Variants in TRPM3 observed in about 807,000 individuals in gnomAD.
TRPM3 encodes the protein transient receptor potential cation channel subfamily M member 3.
A neutral mutation model predicts 181.2 loss-of-function variants in TRPM3; 77 were observed. The observed-to-expected ratio is 0.42, with a 90% confidence interval of 0.35 to 0.51. The LOEUF is 0.51. Among genes scored for constraint, TRPM3 ranks in the 20% least tolerant of loss-of-function variants. TRPM3 has a pLI of 0.01. For missense variants in TRPM3, 1,759 were observed against 2,196.7 expected, an observed-to-expected ratio of 0.80 and a Z score of 3.98; for synonymous variants, 745 against 796.4, an observed-to-expected ratio of 0.94 and a Z score of 1.09.
chr9:70,786,753 C>T (rs899977562), intron 6 of TRPM3, among the ~76,000 whole-genome samples: 3 of 152,130 alleles, frequency 2.0e-5, no homozygotes, highest in Non-Finnish European at 4.4e-5. Context: ...GCATATGCTC[C>T]TATGTCATTG....
At chr9:70,995,266 A>G (rs2097531129) in intron 1 of TRPM3, among the ~76,000 whole-genome samples, 1 of 152,178 alleles carries the variant, frequency 6.6e-6, no homozygotes, top group Admixed American at 6.5e-5. Flanking sequence ...GAACTTCCTC[A>G]TCAGGGTCTC....
At chr9:70,612,597 A>G (rs1258516382) in intron 18 of TRPM3, among the ~76,000 whole-genome samples, 1 of 152,254 alleles carries the variant, frequency 6.6e-6, no homozygotes, top group African/African-American at 2.4e-5. Flanking sequence ...GGTAACTTCC[A>G]TTCCTTTGTG....
intron 1 of TRPM3, among the ~76,000 whole-genome samples, chr9:71,418,727 GGATACTATATATATATATATCCTTTGA>G (rs1436235108): frequency 3.4e-5 from 5 of 147,470 alleles, no homozygotes; most frequent in African/African-American, 1.2e-4. Context: ...AAGGCTCAAA[GGATACTATATATATATATATCCTTTGA>G]GATACTATAT....
At chr9:71,446,640 C>T (rs186520523) in intron 1 of TRPM3, 2 of 1,549,130 alleles carry the variant, frequency 1.3e-6, no homozygotes, top group African/African-American at 2.7e-5. Flanking sequence ...GGGGCTCTCC[C>T]CCGGCCACTC....
intron 1 of TRPM3, among the ~76,000 whole-genome samples, chr9:71,099,925 A>G (rs905290934): frequency 6.6e-6 from 1 of 152,056 alleles, no homozygotes; most frequent in Non-Finnish European, 1.5e-5. Context: ...AATGACTATG[A>G]TATCCTACCT....
At chr9:71,286,581 A>G (rs1175302221) in intron 1 of TRPM3, among the ~76,000 whole-genome samples, 2 of 152,194 alleles carry the variant, frequency 1.3e-5, no homozygotes, top group South Asian at 2.1e-4. Context: ...TAACAAGTTT[A>G]CTACTTTTAA....
At chr9:70,700,803 C>G (rs1365463521) in intron 8 of TRPM3, among the ~76,000 whole-genome samples, 1 of 152,188 alleles carries the variant, frequency 6.6e-6, no homozygotes, top group East Asian at 1.9e-4. Flanking sequence ...GACGTGCACA[C>G]ATGTATGTAC....
rs2042023735 is a variant in TRPM3 at position 70,537,261 on chromosome 9, A to T, written c.3852T>A (p.Gly1284=). Residue 1284 remains glycine (G), a synonymous_variant, in exon 26 of 26, where the codon GGT becomes GGA. Coordinates refer to ENST00000677713, the MANE Select transcript of TRPM3 (RefSeq NM_001366145.2). The part of the protein sequence containing the change: ...RMATALERLT[G]LERAESNKIR... ...TTTTGTTGGACTCGGCCCGCTCCAG[A>T]CCTGTCAGGCGCTCCAGGGCCGTGG... The T allele has an allele frequency of 3.1e-6, 5 of 1,589,544 alleles. No individual in the cohort carries two copies. Among genetic ancestry groups the T allele is most frequent in the Non-Finnish European group, 4.3e-6 (5 of 1,163,324 alleles).
At chr9:70,894,918 T>C (rs78993288) in intron 1 of TRPM3, among the ~76,000 whole-genome samples, 1,639 of 152,150 alleles carry the variant, frequency 0.011, 32 homozygotes, top group African/African-American at 0.037. Context: ...GAATAGAAAA[T>C]GGGAAAAAAG....
intron 1 of TRPM3, among the ~76,000 whole-genome samples, chr9:71,198,459 G>A (rs1349307301): frequency 6.6e-6 from 1 of 152,074 alleles, no homozygotes; most frequent in African/African-American, 2.4e-5. Flanking sequence ...AAATTACCTT[G>A]GGCAGTATGG....
At chr9:71,186,822 T>C (rs1489504521) in intron 1 of TRPM3, among the ~76,000 whole-genome samples, 1 of 152,062 alleles carries the variant, frequency 6.6e-6, no homozygotes, top group Non-Finnish European at 1.5e-5. Flanking sequence ...ACTGATGCTT[T>C]GTACATGAAG....
At chr9:71,386,204 A>T (rs1008925341) in intron 1 of TRPM3, among the ~76,000 whole-genome samples, 4 of 152,134 alleles carry the variant, frequency 2.6e-5, no homozygotes, top group Admixed American at 6.5e-5. Context: ...TAATCCCAGC[A>T]CTTTGGGAGG....
At chr9:70,950,460 G>A (rs2096986230) in intron 1 of TRPM3, among the ~76,000 whole-genome samples, 1 of 152,146 alleles carries the variant, frequency 6.6e-6, no homozygotes, top group Non-Finnish European at 1.5e-5. Context: ...TGACAGTATG[G>A]CAGAAGGAAA....
intron 8 of TRPM3, among the ~76,000 whole-genome samples, chr9:70,752,676 C>T (rs1293380842): frequency 2.6e-5 from 4 of 152,086 alleles, no homozygotes; most frequent in African/African-American, 9.7e-5. Flanking sequence ...TGTTTAGATA[C>T]ACAAATACCT....
chr9:70,680,540 A>G (rs1453334394), intron 9 of TRPM3, among the ~76,000 whole-genome samples: 2 of 152,178 alleles, frequency 1.3e-5, no homozygotes, highest in Admixed American at 1.3e-4. Flanking sequence ...GGATTGTGTG[A>G]GGTGTTAAGA....
intron 1 of TRPM3, among the ~76,000 whole-genome samples, chr9:70,876,105 A>C (rs1384857767): frequency 6.6e-6 from 1 of 151,782 alleles, no homozygotes; most frequent in Non-Finnish European, 1.5e-5. Flanking sequence ...GACCATTTTA[A>C]GGTTGTTCAA....
intron 1 of TRPM3, among the ~76,000 whole-genome samples, chr9:70,864,858 C>T (rs1461037370): frequency 6.6e-6 from 1 of 151,848 alleles, no homozygotes; most frequent in African/African-American, 2.4e-5. Flanking sequence ...TGTTTGTAAC[C>T]TTATAGAAAA....
intron 5 of TRPM3, among the ~76,000 whole-genome samples, chr9:70,833,384 AG>A (rs1333399430): frequency 1.3e-5 from 2 of 152,214 alleles, no homozygotes; most frequent in African/African-American, 4.8e-5. Flanking sequence ...GACAAGAGGC[AG>A]GGTAGTGGAT....
chr9:71,375,982 C>T (rs1023788001), intron 1 of TRPM3, among the ~76,000 whole-genome samples: 7 of 151,984 alleles, frequency 4.6e-5, no homozygotes, highest in African/African-American at 1.7e-4. Flanking sequence ...AGTCTGGAAC[C>T]GAACCTACAA....
Sources: gnomAD v4.1 joint callset for allele counts (sites outside exome capture counted in the v4.1 genomes callset) on GRCh38, gnomAD v4.1.1 for gene constraint, MANE v1.5 for transcripts, NCBI Gene and HGNC (gene_info 2026-07-23, HGNC 2026-07-21) for gene names.